The following PRR5 variants were observed in gnomAD, a reference collection of about 807,000 sequenced individuals.
PRR5 encodes proline rich 5.
A neutral mutation model predicts 30.6 loss-of-function variants in PRR5; 25 were observed. The observed-to-expected ratio is 0.82, with a 90% CI of 0.60 to 1.14. The LOEUF (loss-of-function observed/expected upper bound fraction) is 1.14, where lower values mean the gene tolerates loss of function less well. Ranked by LOEUF, PRR5 falls within the 50% of genes most tolerant of loss-of-function variation. PRR5 has a pLI of 0.00. For synonymous variants in PRR5, 286 were observed against 247.1 expected (o/e 1.16, Z -1.48); for missense variants, 600 against 547.1 (o/e 1.10, Z -0.96).
intron 1 of PRR5, among the ~76,000 whole-genome samples, chr22:44,705,676 G>A (rs1927080840): frequency 6.6e-6 from 1 of 152,058 alleles, no homozygotes; most frequent in African/African-American, 2.4e-5. Context: ...CCAGGCTGGA[G>A]TGCACTGGTG....
intron 6 of PRR5, 111 bp downstream of exon 6, chr22:44,732,502 A>G (rs1922212997): frequency 1.4e-6 from 2 of 1,446,170 alleles, no homozygotes; most frequent in East Asian, 5.0e-5. Flanking sequence ...GACTTAAGGA[A>G]GGGCCCGATC....
chr22:44,730,700 C>T, intron 4 of PRR5: 1 of 992,622 alleles, frequency 1.0e-6, no homozygotes. Flanking sequence ...CCAGGAAGCC[C>T]TCCCTGCCTG....
intron 1 of PRR5, among the ~76,000 whole-genome samples, chr22:44,669,126 C>T (rs1451807991): frequency 2.0e-5 from 3 of 151,056 alleles, no homozygotes; most frequent in Admixed American, 6.6e-5. Context: ...GCCCCGCCCC[C>T]TTCCCTCTAT....
At chr22:44,721,591 C>G (rs1455383332) in intron 2 of PRR5, among the ~76,000 whole-genome samples, 1 of 152,154 alleles carries the variant, frequency 6.6e-6, no homozygotes, top group Non-Finnish European at 1.5e-5. Context: ...GCCTCCGGTC[C>G]TTTTGTTACT....
chr22:44,669,704 C>T (rs1030159720), intron 1 of PRR5, among the ~76,000 whole-genome samples: 4 of 152,208 alleles, frequency 2.6e-5, no homozygotes, highest in Non-Finnish European at 5.9e-5. Flanking sequence ...GACTGGGTCA[C>T]TTCCTCCAAG....
chr22:44,670,154 C>T lies in PRR5; in HGVS notation c.-11+1349C>T, dbSNP rs115258166. The stretch of plus-strand genomic sequence containing the variant: ...GGGGACAAAGTCATCTACCTTCCTC[C>T]GGCTGGCGGACAGCGAAGAGGACCA... On this transcript the variant is annotated intron_variant, in intron 1 of 8. Transcript: ENST00000432186. 6.3e-3 allele frequency among the ~76,000 whole-genome samples: 955 copies of T among 152,300 alleles called. 21 individuals are homozygous for T. The highest frequency in any genetic ancestry group is 0.022 in the African/African-American group (927 of 41,562).
At chr22:44,714,540 A>G (rs753582806) in intron 1 of PRR5, 51 bp from the exon 2 acceptor site, 7 of 1,604,718 alleles carry the variant, frequency 4.4e-6, no homozygotes, top group East Asian at 4.5e-5. Flanking sequence ...ATGGGCAACC[A>G]GGGGGCTCTC....
At chr22:44,671,376 T>C (rs372235665) in intron 1 of PRR5, among the ~76,000 whole-genome samples, 9 of 152,236 alleles carry the variant, frequency 5.9e-5, no homozygotes, top group African/African-American at 1.9e-4. Flanking sequence ...TCTTTTTTCT[T>C]ATGTCTTAAA....
chr22:44,692,627 C>T (rs149166822), intron 1 of PRR5, among the ~76,000 whole-genome samples: 11 of 152,346 alleles, frequency 7.2e-5, no homozygotes, highest in African/African-American at 2.4e-4. Flanking sequence ...CTTCACATTG[C>T]AGTGTGAACT....
At chr22:44,725,564 G>A (rs1920929824) in intron 3 of PRR5, among the ~76,000 whole-genome samples, 1 of 152,212 alleles carries the variant, frequency 6.6e-6, no homozygotes, top group African/African-American at 2.4e-5. Context: ...TCCACCTCCT[G>A]GCTTCAAGTG....
At chr22:44,679,936 G>A (rs1924120438) in intron 1 of PRR5, 5 of 1,509,000 alleles carry the variant, frequency 3.3e-6, no homozygotes, top group Non-Finnish European at 3.6e-6. Flanking sequence ...TATGGGTGAG[G>A]GTGAGTGCAG....
At chr22:44,689,523 T>C (rs1156694749) in intron 1 of PRR5, among the ~76,000 whole-genome samples, 1 of 152,114 alleles carries the variant, frequency 6.6e-6, no homozygotes, top group Non-Finnish European at 1.5e-5. Flanking sequence ...AGGGACCAAG[T>C]GTGTTCAAGG....
intron 7 of PRR5, 129 bp from the exon 8 acceptor site, chr22:44,736,643 C>G: frequency 7.0e-7 from 1 of 1,432,990 alleles, no homozygotes; most frequent in African/African-American, 1.4e-5. Context: ...CCTGCTGAGC[C>G]GGGCCCCGGG....
chr22:44,731,469 T>C, intron 4 of PRR5: 1 of 551,724 alleles, frequency 1.8e-6, no homozygotes, highest in Non-Finnish European at 3.3e-6. Flanking sequence ...TCCCTGTGCC[T>C]TAGGCTCATT....
At chr22:44,717,308 C>T (rs113284329) in intron 2 of PRR5, among the ~76,000 whole-genome samples, 14 of 150,932 alleles carry the variant, frequency 9.3e-5, no homozygotes, top group Non-Finnish European at 1.9e-4. Flanking sequence ...TCTCCTGCCT[C>T]GGCCTCCTGA....
intron 1 of PRR5, among the ~76,000 whole-genome samples, chr22:44,678,113 C>T (rs979901717): frequency 4.6e-5 from 7 of 152,150 alleles, no homozygotes; most frequent in Admixed American, 1.3e-4. Context: ...GGGCTGCATG[C>T]GGGCTCTTGA....
rs150005503 is a variant in PRR5, at chr22:44,726,553, C to T, written c.265-24C>T. On this transcript the variant is annotated intron_variant, in intron 3 of 7. Coordinates refer to ENST00000336985, the MANE Select transcript of PRR5 (RefSeq NM_181333.4). ...CCCCGGGCATCCACAAGGGCGGTGA[C>T]AGCCCCTCTGTGTTTACCTTCAGAA... The T allele has an allele frequency of 1.1e-4, 182 of 1,613,922 alleles. No homozygotes were observed. The African/African-American group carries it at 1.9e-3, about 17-fold the overall frequency.
chr22:44,702,626 C>A lies in PRR5; in HGVS notation c.134+18C>A, dbSNP rs1202044099. On this transcript the variant is annotated intron_variant, in intron 1 of 7. Coordinates refer to ENST00000336985, the MANE Select transcript of PRR5 (RefSeq NM_181333.4). ...TGGAACAGGTAAGGCCGCGCCCTCC[C>A]GGCCACCCGGAGGCCCTGGAGCCGG... 7.8e-7 allele frequency: 1 copy of A among 1,276,982 alleles called. No individual in the cohort carries two copies. The highest frequency in any genetic ancestry group is 3.2e-5 in the East Asian group (1 of 31,292). The allele number at this position is 1,276,982 out of a possible 1,614,324, so 79.1% of individuals were successfully genotyped here.
upstream of PRR5, among the ~76,000 whole-genome samples, chr22:44,701,214 A>G (rs1031630480): frequency 6.6e-6 from 1 of 152,090 alleles, no homozygotes; most frequent in African/African-American, 2.4e-5. Context: ...CAGCTCCTGG[A>G]GCTGTGGCTG....
Sources: allele counts gnomAD v4.1 joint callset (sites outside exome capture counted in the v4.1 genomes callset), GRCh38; gene constraint gnomAD v4.1.1; transcripts MANE v1.5; gene names NCBI Gene and HGNC (gene_info 2026-07-23, HGNC 2026-07-21).